ZAN: variants seen among roughly 807,000 people sequenced by gnomAD.
ZAN encodes the protein zonadhesin (gene/pseudogene).
Under a neutral mutation model 286.2 loss-of-function variants are expected in ZAN, and 260 were observed. The ratio of observed to expected loss-of-function variants is 0.91; its 90% CI spans 0.82 to 1.01. The LOEUF (loss-of-function observed/expected upper bound fraction) is 1.01. ZAN is among the 50% of genes least tolerant of loss of function. The pLI, the probability that ZAN is intolerant of heterozygous loss-of-function variation, is 0.00. For missense variants in ZAN, 3,410 were observed against 3,639.2 expected, an observed-to-expected ratio of 0.94 and a Z score of 1.62; for synonymous variants, 1,368 against 1,417.5, an observed-to-expected ratio of 0.97 and a Z score of 0.79.
chr7:100,748,196 C>G lies in ZAN; in HGVS notation c.1083C>G (p.Thr361=). The G allele has an allele frequency of 6.2e-7, 1 of 1,613,896 alleles. No homozygotes were observed. Among genetic ancestry groups the G allele is most frequent in the Non-Finnish European group, 8.5e-7 (1 of 1,179,888 alleles). Residue 361 remains threonine, a synonymous_variant, in exon 10 of 48, where the codon ACC becomes ACG. Coordinates refer to ENST00000613979, the MANE Select transcript of ZAN (RefSeq NM_003386.3). ...AGCCAGCTGTGGCAGTTGATGCAAC[C>G]AGCATTGCTCCTTGTGGGGGTGAGA... The part of the protein sequence containing the change: ...TPEPAVAVDA[T]SIAPCGEGFP...
Position 100,749,434 on chromosome 7 carries a change from A to T in ZAN, c.1249+964A>T, listed in dbSNP as rs1224455090. ...GGAGGGCGGATCACAAGGTCAGGAG[A>T]TCGAGACCATCCTGGCTAACACGGT... On this transcript the variant is annotated intron_variant, in intron 11 of 47. Transcript: ENST00000613979. 6.6e-5 allele frequency among the ~76,000 whole-genome samples: 10 copies of T among 151,490 alleles called. No homozygotes were observed. In the South Asian group the frequency reaches 8.4e-4, roughly 13 times the overall value.
intron 17 of ZAN, among the ~76,000 whole-genome samples, chr7:100,759,196 G>T (rs1809366884): frequency 6.6e-6 from 1 of 151,576 alleles, no homozygotes; most frequent in Non-Finnish European, 1.5e-5. Flanking sequence ...CTGCACTCCT[G>T]CACTCTAGCC....
At chr7:100,755,561 G>T (rs896059234) in intron 15 of ZAN, among the ~76,000 whole-genome samples, 151 bp downstream of exon 15, 1 of 152,096 alleles carries the variant, frequency 6.6e-6, no homozygotes, top group Non-Finnish European at 1.5e-5. Context: ...TGATGGCGAA[G>T]TTATTCATTC....
Position 100,784,649 on chromosome 7 carries a change from T to TA in ZAN, c.6650dup (p.Tyr2217Ter), listed in dbSNP as rs1306166777. ...TCTGGAATGCCCTGCCTACAGCAGC[T>TA]ACACCAACTGCCTTCCCTCCTGCTC... Reference protein sequence around the residue: ...CPLECPAYSSYTNCLPSCSPS... With the variant: ...CPLECPAYSS The change falls in exon 36 of 48, where the codon TAC (tyrosine) becomes TAAC (stop). Residue 2217 changes from tyrosine to a stop codon, truncating the protein, a stop_gained and frameshift_variant. Transcript: ENST00000613979. LOFTEE classifies it high-confidence loss of function. 3.1e-6 allele frequency: 5 copies of TA among 1,613,842 alleles called. No homozygotes were observed. In the African/African-American group the frequency reaches 6.7e-5, roughly 22 times the overall value.
At position 100,784,807 on chromosome 7, in the gene ZAN, C is replaced by G; in HGVS notation, c.6807C>G (p.Cys2269Trp). The part of the protein sequence containing the change: ...DKCVPRSQCG[C>W]KDAHGGSIPL... The stretch of plus-strand genomic sequence containing the variant: ...GTGTCCCCAGAAGTCAGTGTGGCTG[C>G]AAGGATGCCCATGGTGGCTCCATCC... The change falls in exon 36 of 48, where the codon TGC becomes TGG. Residue 2269 changes from cysteine (C) to tryptophan (W), a missense_variant. By Grantham distance (215) the Cys-to-Trp change is radical (BLOSUM62 -2). Around this residue, in one of 7 missense-constraint regions of ZAN, gnomAD observed 1,289 missense variants for 1,314.3 expected, o/e 0.98. Transcript: ENST00000613979. The G allele has an allele frequency of 6.2e-7, 1 of 1,605,566 alleles. No homozygotes were observed. The highest frequency in any genetic ancestry group is 8.5e-7 in the Non-Finnish European group (1 of 1,174,322).
intron 7 of ZAN, among the ~76,000 whole-genome samples, chr7:100,743,182 C>T (rs1807937071): frequency 6.6e-6 from 1 of 151,672 alleles, no homozygotes; most frequent in African/African-American, 2.4e-5. Flanking sequence ...CGTCACCATG[C>T]CCAGTTAATT....
chr7:100,756,210 A>G (rs1809134550), intron 15 of ZAN, among the ~76,000 whole-genome samples: 1 of 152,192 alleles, frequency 6.6e-6, no homozygotes, highest in Admixed American at 6.6e-5. Context: ...CAATTACTTA[A>G]TAAGTGTTAA....
At chr7:100,738,364 G>T (rs1584543286) in intron 6 of ZAN, 97 bp from the exon 7 acceptor site, 2 of 1,192,756 alleles carry the variant, frequency 1.7e-6, no homozygotes, top group East Asian at 2.7e-5. Context: ...GCCGCAGTGA[G>T]CTATGATCAC....
intron 22 of ZAN, 74 bp from the exon 23 acceptor site, chr7:100,765,278 C>T (rs1809873168): frequency 6.0e-6 from 9 of 1,508,838 alleles, no homozygotes; most frequent in East Asian, 4.8e-5. Flanking sequence ...CCCTTCCGAA[C>T]GTGTCCTTCC....
At chr7:100,751,666 G>A (rs1808672392) in intron 13 of ZAN, 46 bp from the exon 14 acceptor site, 1 of 1,530,104 alleles carries the variant, frequency 6.5e-7, no homozygotes, top group African/African-American at 1.4e-5. Context: ...AGAGGGTGGT[G>A]GTATGGTTTT....
chr7:100,752,591 C>G lies in ZAN; in HGVS notation c.2486C>G (p.Thr829Ser). Residue 829 changes from threonine to serine, a missense_variant, in exon 14 of 48, where the codon ACC (threonine) becomes AGC (serine). By Grantham distance (58) the Thr-to-Ser change is moderately conservative. This residue lies in a region of ZAN where 90 missense variants were observed against 87.1 expected (regional missense o/e 1.03). Coordinates refer to ENST00000613979, the MANE Select transcript of ZAN (RefSeq NM_003386.3). ...AAACCCACTCTCCCCACTGAAGAAACCACCACCTCTGTTGAAGAGACTACC... is the reference window on the plus strand; with the variant it reads ...AAACCCACTCTCCCCACTGAAGAAAGCACCACCTCTGTTGAAGAGACTACC... ...MEKPTLPTEETTTSVEETTIS... is the reference protein window; with the variant it reads ...MEKPTLPTEESTTSVEETTIS... 6.2e-7 allele frequency: 1 copy of G among 1,612,266 alleles called. No individual in the cohort carries two copies. The highest frequency in any genetic ancestry group is 8.5e-7 in the Non-Finnish European group (1 of 1,179,348).
At chr7:100,756,024 G>A (rs900299516) in intron 15 of ZAN, among the ~76,000 whole-genome samples, 1 of 152,076 alleles carries the variant, frequency 6.6e-6, no homozygotes, top group Non-Finnish European at 1.5e-5. Context: ...CAAGTAGCTG[G>A]GATAACAGGC....
chr7:100,744,889 GT>G (rs1808078265), intron 7 of ZAN, among the ~76,000 whole-genome samples: 2 of 140,682 alleles, frequency 1.4e-5, no homozygotes, highest in African/African-American at 2.7e-5. Flanking sequence ...TGTTGTTGTT[GT>G]TTGTTTGTTT....
chr7:100,794,874 G>C (rs981968595), intron 44 of ZAN, among the ~76,000 whole-genome samples: 1 of 150,696 alleles, frequency 6.6e-6, no homozygotes, highest in Non-Finnish European at 1.5e-5. Context: ...GGGAGGGCAG[G>C]GGAGGGGAGG....
intron 12 of ZAN, 137 bp downstream of exon 12, chr7:100,751,033 T>C (rs1477394748): frequency 7.1e-7 from 1 of 1,410,466 alleles, no homozygotes; most frequent in Non-Finnish European, 9.4e-7. Flanking sequence ...TTACAGAAAG[T>C]GAGAAAGGGG....
chr7:100,735,904 T>A, intron 3 of ZAN, 132 bp downstream of exon 3: 1 of 715,832 alleles, frequency 1.4e-6, no homozygotes, highest in Non-Finnish European at 2.3e-6. Flanking sequence ...CAGCCAGGAC[T>A]ACAAAATGTG....
At chr7:100,797,490 A>G in intron 46 of ZAN, 25 bp downstream of exon 46, 2 of 1,593,250 alleles carry the variant, frequency 1.3e-6, no homozygotes, top group South Asian at 1.1e-5. Context: ...GGAGAGAGGA[A>G]GGGCGGGTGG....
chr7:100,774,601 G>C (rs1384360174), intron 31 of ZAN, among the ~76,000 whole-genome samples: 1 of 152,072 alleles, frequency 6.6e-6, no homozygotes. Flanking sequence ...AGGATCTCTT[G>C]AGCCCAGGAA....
intron 33 of ZAN, 50 bp downstream of exon 33, chr7:100,775,883 T>C (rs1182590523): frequency 1.9e-6 from 3 of 1,595,598 alleles, no homozygotes; most frequent in East Asian, 2.2e-5. Context: ...CCCAGGGAGA[T>C]TGGTGGCCGG....
Sources: allele counts gnomAD v4.1 joint callset (sites outside exome capture counted in the v4.1 genomes callset), GRCh38; gene constraint gnomAD v4.1.1; regional missense constraint gnomAD v4.1.1; transcripts MANE v1.5; gene names NCBI Gene and HGNC (gene_info 2026-07-23, HGNC 2026-07-21).